The following DNAH5 variants were observed in gnomAD, a reference collection of about 807,000 sequenced individuals.
DNAH5 encodes axonemal beta dynein heavy chain 5.
Under a neutral mutation model 518.2 loss-of-function variants are expected in DNAH5, and 372 were observed. The ratio of observed to expected loss-of-function variants is 0.72; its 90% CI spans 0.66 to 0.78. The LOEUF is 0.78. DNAH5 is among the 30% of genes least tolerant of loss of function. DNAH5 has a pLI of 0.00. For missense variants in DNAH5, 5,523 were observed against 5,687.0 expected (o/e 0.97, Z 0.93); for synonymous variants, 2,039 against 2,025.9 (o/e 1.01, Z -0.17).
intron 35 of DNAH5, among the ~76,000 whole-genome samples, chr5:13,834,954 C>T (rs1248465893): frequency 2.0e-5 from 3 of 152,152 alleles, no homozygotes; most frequent in East Asian, 1.9e-4. Flanking sequence ...ACGAGGACAA[C>T]GACAGAGGCA....
intron 1 of DNAH5, among the ~76,000 whole-genome samples, chr5:13,980,805 C>T (rs1782622787): frequency 6.6e-6 from 1 of 152,212 alleles, no homozygotes; most frequent in African/African-American, 2.4e-5. Flanking sequence ...TACTCCAACT[C>T]CTACCACTTT....
At chr5:13,846,811 G>A (rs1766071477) in intron 31 of DNAH5, among the ~76,000 whole-genome samples, 1 of 152,184 alleles carries the variant, frequency 6.6e-6, no homozygotes, top group African/African-American at 2.4e-5. Flanking sequence ...AGCCTGGAGA[G>A]TCTATTTTCT....
At chr5:13,732,633 T>C (rs1297178311) in intron 68 of DNAH5, among the ~76,000 whole-genome samples, 3 of 152,040 alleles carry the variant, frequency 2.0e-5, no homozygotes, top group African/African-American at 4.8e-5. Context: ...CCTTCCAAAG[T>C]GCTGGGATTA....
chr5:13,754,948 C>T (rs757588015), intron 61 of DNAH5, among the ~76,000 whole-genome samples: 1 of 151,762 alleles, frequency 6.6e-6, no homozygotes, highest in Non-Finnish European at 1.5e-5. Context: ...TCAAGACCAG[C>T]CTGACCAACA....
At chr5:13,898,365 AT>A in intron 15 of DNAH5, 1 of 392,560 alleles carries the variant, frequency 2.5e-6, no homozygotes, top group Non-Finnish European at 4.5e-6. Context: ...CTTAGTAAAA[AT>A]ATTATTTTCT....
chr5:13,882,619 T>C, intron 21 of DNAH5, 109 bp downstream of exon 21: 2 of 881,324 alleles, frequency 2.3e-6, no homozygotes, highest in Non-Finnish European at 1.8e-6. Flanking sequence ...CATAGATTAA[T>C]ATTCTGATGT....
chr5:13,770,934 T>C lies in DNAH5; in HGVS notation c.9420A>G (p.Glu3140=). The part of the protein sequence containing the change: ...LTSYDIDCSL[E]IKKEVVQCMG... Reference sequence around the variant, plus strand: ...TGCATTGGACCACCTCCTTCTTGATTTCCAAACTGCAGTCAATATCATAGG... The same window carrying C: ...TGCATTGGACCACCTCCTTCTTGATCTCCAAACTGCAGTCAATATCATAGG... Residue 3140 remains glutamate (E), a synonymous_variant, in exon 56 of 79, where the codon GAA becomes GAG. Transcript: ENST00000265104. 6.2e-7 allele frequency: 1 copy of C among 1,614,080 alleles called. No individual in the cohort carries two copies. Among genetic ancestry groups the C allele is most frequent in the South Asian group, 1.1e-5 (1 of 91,080 alleles).
At chr5:13,795,863 G>C (rs930397597) in intron 47 of DNAH5, among the ~76,000 whole-genome samples, 41 of 152,248 alleles carry the variant, frequency 2.7e-4, no homozygotes, top group African/African-American at 9.1e-4. Flanking sequence ...TGATCAAGTT[G>C]GCTTCATCCC....
At chr5:13,745,771 G>C (rs1442886093) in intron 65 of DNAH5, among the ~76,000 whole-genome samples, 1 of 152,000 alleles carries the variant, frequency 6.6e-6, no homozygotes, top group Admixed American at 6.6e-5. Context: ...TTCCTATTCT[G>C]TTTGGGATAT....
intron 19 of DNAH5, 52 bp downstream of exon 19, chr5:13,884,928 ACACACATAC>A (rs1772185106): frequency 1.1e-5 from 17 of 1,611,974 alleles, no homozygotes; most frequent in Non-Finnish European, 1.4e-5. Context: ...ACACACACAC[ACACACATAC>A]CCCAGCAACT....
intron 47 of DNAH5, among the ~76,000 whole-genome samples, chr5:13,803,265 T>C (rs1052174409): frequency 6.6e-6 from 1 of 152,334 alleles, no homozygotes; most frequent in Middle Eastern, 3.4e-3. Flanking sequence ...TACTGCCTAA[T>C]AACATCTTCC....
intron 47 of DNAH5, among the ~76,000 whole-genome samples, chr5:13,801,087 T>C (rs886648991): frequency 2.6e-5 from 4 of 152,208 alleles, no homozygotes; most frequent in African/African-American, 9.6e-5. Context: ...ACAACCTTGA[T>C]ATGGTTTGGC....
At chr5:13,923,163 T>G (rs1266225684) in intron 4 of DNAH5, 117 bp downstream of exon 4, 2 of 1,332,176 alleles carry the variant, frequency 1.5e-6, no homozygotes, top group African/African-American at 2.9e-5. Flanking sequence ...AATACTTCTC[T>G]GAAAGTAGTT....
chr5:13,976,896 A>G (rs768259760), intron 1 of DNAH5, among the ~76,000 whole-genome samples: 10 of 152,210 alleles, frequency 6.6e-5, no homozygotes, highest in Non-Finnish European at 1.5e-4. Context: ...AATAACATTT[A>G]TAAGTGTCAC....
chr5:13,815,394 T>A (rs1761316418), intron 42 of DNAH5, among the ~76,000 whole-genome samples: 1 of 152,152 alleles, frequency 6.6e-6, no homozygotes, highest in African/African-American at 2.4e-5. Context: ...ATGGACTGAA[T>A]GTTTGTGTTC....
chr5:13,857,256 T>A (rs1300958449), intron 30 of DNAH5, among the ~76,000 whole-genome samples: 1 of 152,170 alleles, frequency 6.6e-6, no homozygotes, highest in Non-Finnish European at 1.5e-5. Context: ...TGAACTCCCA[T>A]TCACAATTGC....
At chr5:13,723,380 T>C (rs1334183427) in intron 70 of DNAH5, among the ~76,000 whole-genome samples, 1 of 152,228 alleles carries the variant, frequency 6.6e-6, no homozygotes, top group African/African-American at 2.4e-5. Flanking sequence ...CTCAGCCACA[T>C]GTTCCGCCAT....
intron 15 of DNAH5, chr5:13,898,512 G>A (rs72735059): frequency 0.021 from 8,387 of 398,498 alleles, 119 homozygotes; most frequent in Non-Finnish European, 0.026. Context: ...TTTTTAATAT[G>A]ACATGAAGTG....
At chr5:13,857,502 G>GA (rs1463753234) in intron 30 of DNAH5, among the ~76,000 whole-genome samples, 1 of 152,080 alleles carries the variant, frequency 6.6e-6, no homozygotes, top group Non-Finnish European at 1.5e-5. Context: ...CAAAGAATTA[G>GA]AAAAAACTAC....
Sources: gnomAD v4.1 joint callset for allele counts (sites outside exome capture counted in the v4.1 genomes callset) on GRCh38, gnomAD v4.1.1 for gene constraint, MANE v1.5 for transcripts, NCBI Gene and HGNC (gene_info 2026-07-23, HGNC 2026-07-21) for gene names.